The following NFIX variants were observed in gnomAD, a reference collection of about 807,000 sequenced individuals.
NFIX encodes the protein nuclear factor 1 X-type.
Under a neutral mutation model 53.3 loss-of-function variants are expected in NFIX, and 2 were observed. The observed-to-expected ratio is 0.04, with a 90% confidence interval of 0.02 to 0.12. The LOEUF (loss-of-function observed/expected upper bound fraction) is 0.12. Ranked by LOEUF, NFIX falls within the 10% of genes least tolerant of loss-of-function variation. NFIX has a pLI of 1.00. For missense variants in NFIX, 310 were observed against 674.5 expected (o/e 0.46, Z 5.99); for synonymous variants, 244 against 289.0 (o/e 0.84, Z 1.58).
chr19:13,046,458 G>A (rs147858251), intron 2 of NFIX, among the ~76,000 whole-genome samples: 202 of 151,858 alleles, frequency 1.3e-3, no homozygotes, highest in African/African-American at 4.2e-3. Context: ...GTGGAATCGC[G>A]TTGCCTTCCC....
In NFIX at chr19:13,009,552, T is replaced by C. The variant is rs569472326; in HGVS notation, c.27+13688T>C. Among the ~76,000 whole-genome samples, 1 of 152,304 alleles carries C rather than the reference T, an allele frequency of 6.6e-6. No homozygotes were observed. Among genetic ancestry groups the C allele is most frequent in the South Asian group, 2.1e-4 (1 of 4,828 alleles). The stretch of plus-strand genomic sequence containing the variant: ...CCACCTGAGGCTCCTCCTTCTGGCC[T>C]TCCCATGGGAATTCCCTTCCTATTC... On this transcript the variant is annotated intron_variant, in intron 1 of 10. Coordinates refer to ENST00000592199, the MANE Select transcript of NFIX (RefSeq NM_001365902.3). This position sits in a 1 kb window ranked among gnomAD's most constrained non-coding sequence, Gnocchi z 4.7.
At chr19:13,026,703 A>G (rs1267403508) in intron 2 of NFIX, among the ~76,000 whole-genome samples, 2 of 151,528 alleles carry the variant, frequency 1.3e-5, no homozygotes, top group Non-Finnish European at 2.9e-5. Context: ...ACCAACTTGT[A>G]ATGAGAGGGC....
rs2012984712 is a variant in NFIX at position 13,022,296 on chromosome 19, T to G, written c.28-2725T>G. On this transcript the variant is annotated intron_variant, in intron 1 of 10. Transcript: ENST00000592199. This position sits in a 1 kb window ranked among gnomAD's most constrained non-coding sequence, Gnocchi z 4.5. ...GCATCCCTCGTCACCGCTAATGGAG[T>G]GTGCGTGGCTGGGTGTGGGCCGAAG... Among the ~76,000 whole-genome samples the G allele has an allele frequency of 1.3e-5, 2 of 151,708 alleles. No individual in the cohort carries two copies. Among genetic ancestry groups the G allele is most frequent in the Non-Finnish European group, 2.9e-5 (2 of 67,938 alleles).
rs536468653 is a variant in NFIX at position 13,021,105 on chromosome 19, A to G, written c.28-3916A>G. Among the ~76,000 whole-genome samples the G allele has an allele frequency of 5.9e-5, 9 of 152,308 alleles. No individual in the cohort carries two copies. In the East Asian group the frequency reaches 1.7e-3, roughly 29 times the overall value. On this transcript the variant is annotated intron_variant, in intron 1 of 10. Transcript: ENST00000592199. This position sits in a 1 kb window ranked among gnomAD's most constrained non-coding sequence, Gnocchi z 4.2. ...CTCACTTGTAGTTTTTAATGACCTC[A>G]TCTTGACTTTAGAAGGTAAAATTGT... is the stretch of plus-strand genomic sequence containing the variant.
At chr19:13,083,298 C>T (rs780169614) in intron 8 of NFIX, among the ~76,000 whole-genome samples, 46 of 152,160 alleles carry the variant, frequency 3.0e-4, no homozygotes, top group Admixed American at 5.9e-4. Context: ...TGGGATATGC[C>T]GCAGAGAGGC....
At chr19:13,082,492 T>C (rs1356965807) in intron 8 of NFIX, 1 of 152,268 alleles carries the variant, frequency 6.6e-6, no homozygotes, top group Non-Finnish European at 1.5e-5. Flanking sequence ...CCACGGAGAC[T>C]CCTGCTGGCA....
At chr19:13,007,869 T>TG (rs925723304) in intron 1 of NFIX, among the ~76,000 whole-genome samples, 7 of 152,078 alleles carry the variant, frequency 4.6e-5, no homozygotes, top group African/African-American at 7.2e-5. Flanking sequence ...ACACTTTCGG[T>TG]GGGGGGGTGC....
At chr19:13,026,953 A>G (rs891894079) in intron 2 of NFIX, among the ~76,000 whole-genome samples, 23 of 151,986 alleles carry the variant, frequency 1.5e-4, no homozygotes, top group African/African-American at 5.1e-4. Flanking sequence ...GGCTGTGGTC[A>G]CCCCCTTGCC....
rs1420681337 is a variant in NFIX at position 13,036,536 on chromosome 19, C to T, written c.559+10984C>T. On this transcript the variant is annotated intron_variant, in intron 2 of 10. Transcript: ENST00000592199. The surrounding 1 kb of genome is among the most constrained non-coding windows in gnomAD (Gnocchi z 4.7). The stretch of plus-strand genomic sequence containing the variant: ...CACCTGGTGACTCTTGTGGACTGGG[C>T]GGAGCTGTGTGGAGCGATCGGGAGA... Among the ~76,000 whole-genome samples the T allele has an allele frequency of 5.3e-5, 8 of 152,120 alleles. No individual in the cohort carries two copies. The East Asian group carries it at 9.7e-4, about 18-fold the overall frequency.
rs2012518879 is a variant in NFIX at position 13,013,999 on chromosome 19, T to C, written c.28-11022T>C. The C allele has an allele frequency of 6.6e-6, 1 of 152,214 alleles. No individual in the cohort carries two copies. The highest frequency in any genetic ancestry group is 6.5e-5 in the Admixed American group (1 of 15,288). The allele number at this position is 152,214 out of a possible 1,614,324, so 9.4% of individuals were successfully genotyped here. On this transcript the variant is annotated intron_variant, in intron 1 of 10. Coordinates refer to ENST00000592199, the MANE Select transcript of NFIX (RefSeq NM_001365902.3). The surrounding 1 kb of genome is among the most constrained non-coding windows in gnomAD (Gnocchi z 5.9). ...GGCAAAGTCTGTAATCAGAGAAAAA[T>C]ACCAGCTTTGTTGAGGGTTAGAATA...
At chr19:13,062,857 G>A (rs1004590613) in intron 2 of NFIX, among the ~76,000 whole-genome samples, 1 of 152,178 alleles carries the variant, frequency 6.6e-6, no homozygotes, top group African/African-American at 2.4e-5. Context: ...TCTCACAGGG[G>A]TATTGAGTGC....
chr19:13,003,886 C>T lies in NFIX; in HGVS notation c.27+8022C>T, dbSNP rs182650274. 2.7e-3 allele frequency among the ~76,000 whole-genome samples: 404 copies of T among 152,254 alleles called. 5 individuals carry two copies. Among genetic ancestry groups the T allele is most frequent in the African/African-American group, 9.4e-3 (390 of 41,538 alleles). ...AATTCCTGGGCTCAAGCAGTTCTCC[C>T]GCTTCACCCTCCCAAGTAGCTGGGA... On this transcript the variant is annotated intron_variant, in intron 1 of 10. Transcript: ENST00000592199.
chr19:13,033,944 A>G (rs374237524), intron 2 of NFIX, among the ~76,000 whole-genome samples: 3 of 152,270 alleles, frequency 2.0e-5, no homozygotes, highest in East Asian at 3.9e-4. Context: ...CCTCCTCACA[A>G]TGGTTGAGTG....
Position 13,088,286 on chromosome 19 carries a change from A to C in NFIX, c.1402+150A>C. 16 of 912,704 alleles carry C rather than the reference A, an allele frequency of 1.8e-5. No homozygotes were observed. Among genetic ancestry groups the C allele is most frequent in the Non-Finnish European group, 2.1e-5 (13 of 628,958 alleles). 56.5% of individuals were successfully genotyped at this position (912,704 alleles called of 1,614,324 possible). ...GGACAAGAGCAGAGCCGAGCCCCCC[A>C]ACCACAGCCTCCCTCCCGGGCCTCA... On this transcript the variant is annotated intron_variant, in intron 9 of 10. Transcript: ENST00000592199. This position sits in a 1 kb window ranked among gnomAD's most constrained non-coding sequence, Gnocchi z 5.9.
At position 13,073,852 on chromosome 19, in the gene NFIX, C is replaced by A; in HGVS notation, c.698-54C>A. On this transcript the variant is annotated intron_variant, in intron 4 of 10. Coordinates refer to ENST00000592199, the MANE Select transcript of NFIX (RefSeq NM_001365902.3). The surrounding 1 kb of genome is among the most constrained non-coding windows in gnomAD (Gnocchi z 4.5). ...AAGCTGTTCATGACAAAGAAACAGA[C>A]CCCATCAGGCCTCCCCCCACCTCCA... 1.2e-6 allele frequency: 2 copies of A among 1,611,970 alleles called. No individual in the cohort carries two copies. The highest frequency in any genetic ancestry group is 1.7e-6 in the Non-Finnish European group (2 of 1,178,654).
chr19:13,075,581 C>T lies in NFIX; in HGVS notation c.865C>T (p.Pro289Ser). The T allele has an allele frequency of 6.2e-7, 1 of 1,613,714 alleles. No homozygotes were observed. The highest frequency in any genetic ancestry group is 8.5e-7 in the Non-Finnish European group (1 of 1,179,810). The change falls in exon 6 of 11, where the codon CCT (proline) becomes TCT (serine). Residue 289 changes from proline (P) to serine (S), a missense_variant. Pro to Ser is a moderately conservative substitution (Grantham distance 74). Transcript: ENST00000592199. The part of the protein sequence containing the change: ...KSIDDSEMES[P>S]VDDVFYPGTG... ...CATCGATGACAGTGAGATGGAGAGC[C>T]CTGTTGATGACGTGTTCTATCCCGG...
At chr19:13,092,782 C>G (rs1297579899) in intron 10 of NFIX, among the ~76,000 whole-genome samples, 1 of 152,242 alleles carries the variant, frequency 6.6e-6, no homozygotes, top group African/African-American at 2.4e-5. Flanking sequence ...GGCCAGAAGC[C>G]CAGGAGCTGG....
intron 2 of NFIX, among the ~76,000 whole-genome samples, chr19:13,069,167 A>G (rs897485177): frequency 5.3e-5 from 8 of 152,220 alleles, no homozygotes; most frequent in South Asian, 2.1e-4. Context: ...ATCTCCAACC[A>G]GTATCTCCAG....
At position 13,052,498 on chromosome 19, in the gene NFIX, G is replaced by A. The variant is rs560288906; in HGVS notation, c.560-20549G>A. Among the ~76,000 whole-genome samples the A allele has an allele frequency of 6.6e-6, 1 of 152,308 alleles. No individual in the cohort carries two copies. Among genetic ancestry groups the A allele is most frequent in the African/African-American group, 2.4e-5 (1 of 41,562 alleles). On this transcript the variant is annotated intron_variant, in intron 2 of 10. Coordinates refer to ENST00000592199, the MANE Select transcript of NFIX (RefSeq NM_001365902.3). The surrounding 1 kb of genome is among the most constrained non-coding windows in gnomAD (Gnocchi z 5.2). ...GCAGGACCACCATGAGTCACTGGGG[G>A]TCATGCCAGTGAGCTTCCTGCGCTG...
Sources: gnomAD v4.1 joint callset for allele counts (sites outside exome capture counted in the v4.1 genomes callset) on GRCh38, gnomAD v4.1.1 for gene constraint, Gnocchi (gnomAD v3.1) non-coding constraint, MANE v1.5 for transcripts, NCBI Gene and HGNC (gene_info 2026-07-23, HGNC 2026-07-21) for gene names.